The following COL6A6 variants were observed in gnomAD, a reference collection of about 807,000 sequenced individuals.
COL6A6 encodes collagen alpha-6(VI) chain.
In COL6A6, 183 loss-of-function variants were observed where a neutral mutation model predicts 208.6. The observed-to-expected ratio is 0.88, with a 90% CI of 0.78 to 0.99. COL6A6 has a LOEUF of 0.99. COL6A6 is among the 50% of genes least tolerant of loss of function. The pLI, the probability that COL6A6 is intolerant of heterozygous loss-of-function variation, is 0.00. For missense variants in COL6A6, 2,816 were observed against 2,815.2 expected (o/e 1.00, Z -0.01); for synonymous variants, 973 against 1,011.8 (o/e 0.96, Z 0.73).
intron 36 of COL6A6, among the ~76,000 whole-genome samples, chr3:130,665,788 A>G (rs984345108): frequency 1.3e-5 from 2 of 152,366 alleles, no homozygotes; most frequent in Admixed American, 1.3e-4. Context: ...TGTTAATAAC[A>G]TATTACAATA....
Position 130,675,514 on chromosome 3 carries a change from C to G in COL6A6, c.*117C>G. 1.5e-6 allele frequency: 1 copy of G among 685,518 alleles called. No homozygotes were observed. The allele number at this position is 685,518 out of a possible 1,614,324, so 42.5% of individuals were successfully genotyped here. A position where few individuals can be genotyped will look rare whatever the true frequency, so the allele number is the denominator to read the frequency against. On this transcript the variant is annotated 3_prime_UTR_variant, in exon 37 of 37. Transcript: ENST00000358511. ...TTGTAGGTTATCAGGTGACTTGACC[C>G]CCTGCATTCATTGGTATTAAGATAT...
chr3:130,555,129 C>A (rs911701619), intron 1 of COL6A6, among the ~76,000 whole-genome samples: 1 of 152,212 alleles, frequency 6.6e-6, no homozygotes, highest in African/African-American at 2.4e-5. Context: ...TATGTTCCCA[C>A]ACCAAACTCT....
rs1215574505 is a variant in COL6A6, at chr3:130,675,395, T to A, written c.6790T>A (p.Ter2264LysextTer4). 2.5e-6 allele frequency: 4 copies of A among 1,569,144 alleles called. No homozygotes were observed. Among genetic ancestry groups the A allele is most frequent in the East Asian group, 4.5e-5 (2 of 44,126 alleles). Residue 2264 changes from the stop codon to lysine (K), a stop_lost, in exon 37 of 37, where the codon TAA becomes AAA. Coordinates refer to ENST00000358511, the MANE Select transcript of COL6A6 (RefSeq NM_001102608.3). ...AGAAAGTGCTCCCAAACAACATGAT[T>A]AAAAAAATGCTTGAACAACTTAGCC... ...MIESAPKQHD[*>K]
intron 1 of COL6A6, among the ~76,000 whole-genome samples, chr3:130,541,456 G>A (rs1471758723): frequency 6.6e-6 from 1 of 152,184 alleles, no homozygotes; most frequent in Non-Finnish European, 1.5e-5. Context: ...ACATCCATGT[G>A]CAGGTTTTTG....
At chr3:130,658,601 A>C in intron 33 of COL6A6, 75 bp from the exon 34 acceptor site, 1 of 916,104 alleles carries the variant, frequency 1.1e-6, no homozygotes, top group Admixed American at 2.0e-5. Context: ...TCCAGATGTC[A>C]GTTCTCTATG....
chr3:130,586,394 C>A, intron 10 of COL6A6, 112 bp from the exon 11 acceptor site: 1 of 901,746 alleles, frequency 1.1e-6, no homozygotes, highest in Non-Finnish European at 1.7e-6. Flanking sequence ...GGACAGTAAA[C>A]TGACTGTTCT....
intron 1 of COL6A6, among the ~76,000 whole-genome samples, chr3:130,556,257 A>T (rs74879142): frequency 6.6e-6 from 1 of 152,070 alleles, no homozygotes; most frequent in African/African-American, 2.4e-5. Context: ...CTTGTTTAGG[A>T]TTTTTTAATA....
chr3:130,576,128 G>A (rs527935445), intron 8 of COL6A6, among the ~76,000 whole-genome samples: 1 of 152,242 alleles, frequency 6.6e-6, no homozygotes, highest in South Asian at 2.1e-4. Flanking sequence ...TAAAAACTGG[G>A]AATCACAGCC....
chr3:130,554,098 T>G lies in COL6A6; in HGVS notation c.-31-6236T>G, dbSNP rs150056466. 4.7e-3 allele frequency among the ~76,000 whole-genome samples: 712 copies of G among 152,342 alleles called. 6 individuals are homozygous for G. The highest frequency in any genetic ancestry group is 0.016 in the African/African-American group (671 of 41,578). On this transcript the variant is annotated intron_variant, in intron 1 of 36. Transcript: ENST00000358511. ...TGAAGGGGCCAATGTGTCCCTGGAC[T>G]GCTGGACACAACACACTAGTGGGTA...
At position 130,570,856 on chromosome 3, in the gene COL6A6, A is replaced by G; in HGVS notation, c.2440A>G (p.Ile814Val). 4 of 1,613,676 alleles carry G rather than the reference A, an allele frequency of 2.5e-6. No homozygotes were observed. Among genetic ancestry groups the G allele is most frequent in the Non-Finnish European group, 3.4e-6 (4 of 1,179,726 alleles). ...TGAAGTTTTAGACGTTGTGTTTGTC[A>G]TTGATAGCTCTGGCAGTATTGACTA... ...RIEVLDVVFVIDSSGSIDYDE... is the reference protein window; with the variant it reads ...RIEVLDVVFVVDSSGSIDYDE... The change falls in exon 7 of 37, where the codon ATT becomes GTT. Residue 814 changes from isoleucine (I) to valine (V), a missense_variant. By Grantham distance (29) the Ile-to-Val change is conservative. Transcript: ENST00000358511.
chr3:130,604,094 G>C (rs1162911138), intron 20 of COL6A6, among the ~76,000 whole-genome samples: 1 of 152,142 alleles, frequency 6.6e-6, no homozygotes, highest in African/African-American at 2.4e-5. Context: ...TAAAACACTT[G>C]AAAATTTTAG....
chr3:130,616,337 G>T (rs2064520711), intron 23 of COL6A6, among the ~76,000 whole-genome samples: 2 of 152,086 alleles, frequency 1.3e-5, no homozygotes, highest in African/African-American at 4.8e-5. Flanking sequence ...TGTGATTTCT[G>T]TTGACAATGT....
intron 20 of COL6A6, among the ~76,000 whole-genome samples, chr3:130,604,394 C>T (rs1203063378): frequency 6.6e-6 from 1 of 151,546 alleles, no homozygotes; most frequent in African/African-American, 2.4e-5. Flanking sequence ...ACTCGGGAGG[C>T]TGAGGCAGGA....
In COL6A6 at chr3:130,655,263, A is replaced by G. The variant is rs1224419419; in HGVS notation, c.5734-3413A>G. Among the ~76,000 whole-genome samples the G allele has an allele frequency of 2.6e-5, 4 of 152,042 alleles. No individual in the cohort carries two copies. The East Asian group carries it at 5.8e-4, about 22-fold the overall frequency. On this transcript the variant is annotated intron_variant, in intron 33 of 36. Transcript: ENST00000358511. The stretch of plus-strand genomic sequence containing the variant: ...GGCCACTGTAACTCTTATTTTTGGT[A>G]AGGTTTACCCATTTCTCTAGAAGAG...
intron 1 of COL6A6, among the ~76,000 whole-genome samples, chr3:130,529,308 C>T (rs941269232): frequency 1.4e-5 from 2 of 140,964 alleles, no homozygotes; most frequent in East Asian, 2.1e-4. Context: ...AAAAAAAAAG[C>T]AGGAAGTGTA....
At chr3:130,545,997 C>T (rs909833760) in intron 1 of COL6A6, among the ~76,000 whole-genome samples, 1 of 152,208 alleles carries the variant, frequency 6.6e-6, no homozygotes, top group Admixed American at 6.5e-5. Context: ...CCACAATTAT[C>T]GGAGATTCCA....
chr3:130,586,499 T>G lies in COL6A6; in HGVS notation c.3971-7T>G. On this transcript the variant is annotated splice_region_variant and splice_polypyrimidine_tract_variant and intron_variant, in intron 10 of 36. Coordinates refer to ENST00000358511, the MANE Select transcript of COL6A6 (RefSeq NM_001102608.3). ...TCACCTGGAACATTGTAAACTGTGT[T>G]GGATAGGCCTGAATGCCCTCATAAC... 1 of 1,607,520 alleles carries G rather than the reference T, an allele frequency of 6.2e-7. No individual in the cohort carries two copies. Among genetic ancestry groups the G allele is most frequent in the East Asian group, 2.2e-5 (1 of 44,784 alleles).
chr3:130,647,597 C>CT (rs1329112287), intron 32 of COL6A6, among the ~76,000 whole-genome samples: 1 of 152,216 alleles, frequency 6.6e-6, no homozygotes, highest in East Asian at 1.9e-4. Flanking sequence ...ACTGGTACTT[C>CT]TTTTGCCTTT....
At position 130,591,202 on chromosome 3, in the gene COL6A6, C is replaced by T. The variant is rs958095191; in HGVS notation, c.4272+108C>T. On this transcript the variant is annotated intron_variant, in intron 13 of 36. Coordinates refer to ENST00000358511, the MANE Select transcript of COL6A6 (RefSeq NM_001102608.3). ...CAAGAAAGGTGAGATTCTAAGGATT[C>T]GTGTACAGAATCTCAGATCTTCTTT... is the stretch of plus-strand genomic sequence containing the variant. 1.1e-5 allele frequency: 9 copies of T among 826,154 alleles called. No individual in the cohort carries two copies. In the Admixed American group the frequency reaches 1.4e-4, roughly 13 times the overall value. 51.2% of individuals were successfully genotyped at this position (826,154 alleles called of 1,614,324 possible).
Sources: gnomAD v4.1 joint callset for allele counts (sites outside exome capture counted in the v4.1 genomes callset) on GRCh38, gnomAD v4.1.1 for gene constraint, MANE v1.5 for transcripts, NCBI Gene and HGNC (gene_info 2026-07-23, HGNC 2026-07-21) for gene names.